YOD1: variants seen among roughly 807,000 people sequenced by gnomAD.
YOD1 encodes the protein YOD1 deubiquitinase.
Under a neutral mutation model 23.7 loss-of-function variants are expected in YOD1, and 17 were observed. The observed-to-expected ratio is 0.72, with a 90% CI of 0.49 to 1.07. The LOEUF (loss-of-function observed/expected upper bound fraction) is 1.07, where lower values mean the gene tolerates loss of function less well. Ranked by LOEUF, YOD1 falls within the 50% of genes least tolerant of loss-of-function variation. YOD1 has a pLI of 0.00. For synonymous variants in YOD1, 191 were observed against 169.6 expected (o/e 1.13, Z -0.98); for missense variants, 413 against 447.2 (o/e 0.92, Z 0.69).
In YOD1 at chr1:207,048,918, G is replaced by T; in HGVS notation, c.*102C>A. On this transcript the variant is annotated 3_prime_UTR_variant, in exon 2 of 2. Coordinates refer to ENST00000315927, the MANE Select transcript of YOD1 (RefSeq NM_018566.4). ...GTTTTAAGTTAAAAGGATGGTTCAA[G>T]CATTGTATCCTTTGTTCTTTAGGGT... 1 of 1,069,268 alleles carries T rather than the reference G, an allele frequency of 9.4e-7. No homozygotes were observed. Among genetic ancestry groups the T allele is most frequent in the Non-Finnish European group, 1.4e-6 (1 of 735,384 alleles). The allele number at this position is 1,069,268 out of a possible 1,614,324, so 66.2% of individuals were successfully genotyped here. A position where few individuals can be genotyped will look rare whatever the true frequency, so the allele number is the denominator to read the frequency against.
Position 207,049,383 on chromosome 1 carries a change from C to T in YOD1, c.684G>A (p.Leu228=). Residue 228 remains leucine, a synonymous_variant, in exon 2 of 2, where the codon TTG becomes TTA. Coordinates refer to ENST00000315927, the MANE Select transcript of YOD1 (RefSeq NM_018566.4). ...ATATTTCACATTGGTAAAACTTGGA[C>T]AAAATCGATATCTCTATTGCTCCTC... The part of the protein sequence containing the change: ...TWGGAIEISI[L]SKFYQCEICV... The T allele has an allele frequency of 6.2e-7, 1 of 1,614,158 alleles. No homozygotes were observed.
chr1:207,052,780 G>C (rs1371011176), upstream of YOD1: 1 of 156,486 alleles, frequency 6.4e-6, no homozygotes, highest in Non-Finnish European at 1.4e-5. Flanking sequence ...CTGACCTGTG[G>C]AGCCGGGTAT....
In YOD1 at chr1:207,045,209, GA is replaced by G. The variant is rs1682569943; in HGVS notation, c.*3810del. ...CAAGTTTTAAGGATCGAATCTTTTA[GA>G]AATTATCAGTCATCTCTGCACTACA... On this transcript the variant is annotated 3_prime_UTR_variant, in exon 2 of 2. Coordinates refer to ENST00000315927, the MANE Select transcript of YOD1 (RefSeq NM_018566.4). The G allele has an allele frequency of 6.6e-6, 1 of 152,354 alleles. No individual in the cohort carries two copies. The highest frequency in any genetic ancestry group is 1.5e-5 in the Non-Finnish European group (1 of 67,894). 9.4% of individuals were successfully genotyped at this position (152,354 alleles called of 1,614,324 possible). A position where few individuals can be genotyped will look rare whatever the true frequency, so the allele number is the denominator to read the frequency against.
In YOD1 at chr1:207,044,641, G is replaced by T. The variant is rs1381698482; in HGVS notation, c.*4379C>A. The T allele has an allele frequency of 6.6e-6, 1 of 152,286 alleles. No individual in the cohort carries two copies. 9.4% of individuals were successfully genotyped at this position (152,286 alleles called of 1,614,324 possible). ...ATAATTCATGGTTTCATACTTTAATGATAAGCTTTTTCACCTATGGCCATG... is the reference window on the plus strand; with the variant it reads ...ATAATTCATGGTTTCATACTTTAATTATAAGCTTTTTCACCTATGGCCATG... On this transcript the variant is annotated 3_prime_UTR_variant, in exon 2 of 2. Transcript: ENST00000315927.
At position 207,049,524 on chromosome 1, in the gene YOD1, C is replaced by G. The variant is rs756427873; in HGVS notation, c.543G>C (p.Glu181Asp). The change falls in exon 2 of 2, where the codon GAG becomes GAC. Residue 181 changes from glutamate to aspartate, a missense_variant. Coordinates refer to ENST00000315927, the MANE Select transcript of YOD1 (RefSeq NM_018566.4). ...CAATTTGTGCTATGAGGCGTCTCAT[C>G]TCAGGGGCACAAGCTGGATTCAAGA... is the stretch of plus-strand genomic sequence containing the variant. ...GGVLNPACAP[E>D]MRRLIAQIVA... The G allele has an allele frequency of 1.1e-5, 17 of 1,614,162 alleles. No homozygotes were observed. The South Asian group carries it at 1.6e-4, about 16-fold the overall frequency.
rs1261369290 is a variant in YOD1 at position 207,050,676 on chromosome 1, C to A, written c.343+12G>T. On this transcript the variant is annotated intron_variant, in intron 1 of 1. Coordinates refer to ENST00000315927, the MANE Select transcript of YOD1 (RefSeq NM_018566.4). ...CCCGGGACTTTCCCTGGCCCCAGCC[C>A]TGATTCCTTACCAGATTGGATGGGC... 1 of 1,612,844 alleles carries A rather than the reference C, an allele frequency of 6.2e-7. No individual in the cohort carries two copies. Among genetic ancestry groups the A allele is most frequent in the Non-Finnish European group, 8.5e-7 (1 of 1,179,964 alleles).
rs139136253 is a variant in YOD1, at chr1:207,048,808, G to A, written c.*212C>T. 23 of 554,252 alleles carry A rather than the reference G, an allele frequency of 4.1e-5. No homozygotes were observed. The East Asian group carries it at 4.3e-4, about 10-fold the overall frequency. The allele number at this position is 554,252 out of a possible 1,614,324, so 34.3% of individuals were successfully genotyped here. A position where few individuals can be genotyped will look rare whatever the true frequency, so the allele number is the denominator to read the frequency against. On this transcript the variant is annotated 3_prime_UTR_variant, in exon 2 of 2. Transcript: ENST00000315927. Reference sequence around the variant, plus strand: ...CTGTCACTCCAGCAGAAAGAGGCATGTATGTACAGTTTACCACTGTAGACA... The same window carrying A: ...CTGTCACTCCAGCAGAAAGAGGCATATATGTACAGTTTACCACTGTAGACA...
At chr1:207,051,644 C>T (rs950890173), upstream of YOD1, among the ~76,000 whole-genome samples, 3 of 152,276 alleles carry the variant, frequency 2.0e-5, no homozygotes, top group South Asian at 2.1e-4. Context: ...AGTCGTGTAA[C>T]GCGTGTCATC....
chr1:207,050,986 C>G lies in YOD1; in HGVS notation c.45G>C (p.Ala15=), dbSNP rs1302703629. 6 of 1,533,164 alleles carry G rather than the reference C, an allele frequency of 3.9e-6. No homozygotes were observed. In the East Asian group the frequency reaches 7.4e-5, roughly 19 times the overall value. The allele number at this position is 1,533,164 out of a possible 1,614,324, so 95.0% of individuals were successfully genotyped here. ...AKGRHFGVHP[A]PGFPGGVSQQ... ...GGGAGACGCCGCCGGGGAAACCAGG[C>G]GCCGGGTGGACTCCAAAATGGCGAC... is the stretch of plus-strand genomic sequence containing the variant. The change falls in exon 1 of 2, where the codon GCG becomes GCC. Residue 15 remains alanine (A), a synonymous_variant. Coordinates refer to ENST00000315927, the MANE Select transcript of YOD1 (RefSeq NM_018566.4).
rs541136434 is a variant in YOD1, at chr1:207,050,952, C to T, written c.79G>A (p.Ala27Thr). 5.1e-6 allele frequency: 8 copies of T among 1,570,368 alleles called. No individual in the cohort carries two copies. Among genetic ancestry groups the T allele is most frequent in the East Asian group, 2.4e-5 (1 of 42,386 alleles). ...GFPGGVSQQA[A>T]GTKAGPAGAW... Reference sequence around the variant, plus strand: ...CCCGCGGGGCCAGCTTTGGTCCCGGCAGCCTGTTGGGAGACGCCGCCGGGG... The same window carrying T: ...CCCGCGGGGCCAGCTTTGGTCCCGGTAGCCTGTTGGGAGACGCCGCCGGGG... The change falls in exon 1 of 2, where the codon GCC becomes ACC. Residue 27 changes from alanine to threonine, a missense_variant. Ala to Thr is a moderately conservative substitution (Grantham distance 58). Coordinates refer to ENST00000315927, the MANE Select transcript of YOD1 (RefSeq NM_018566.4).
rs994003042 is a variant in YOD1 at position 207,048,836 on chromosome 1, C to T, written c.*184G>A. ...TGTACAGTTTACCACTGTAGACACA[C>T]ATCTGTAAACTTGCACACTAATTTT... On this transcript the variant is annotated 3_prime_UTR_variant, in exon 2 of 2. Transcript: ENST00000315927. The T allele has an allele frequency of 3.6e-5, 22 of 612,358 alleles. No homozygotes were observed. Among genetic ancestry groups the T allele is most frequent in the Admixed American group, 6.0e-5 (2 of 33,138 alleles). 37.9% of individuals were successfully genotyped at this position (612,358 alleles called of 1,614,324 possible).
upstream of YOD1, chr1:207,052,323 C>T (rs2102331595): frequency 8.4e-7 from 1 of 1,186,086 alleles, no homozygotes; most frequent in Non-Finnish European, 1.2e-6. Flanking sequence ...GATGATACAG[C>T]CTGGGTTAGG....
upstream of YOD1, among the ~76,000 whole-genome samples, chr1:207,051,549 ATT>A (rs1380818334): frequency 6.6e-6 from 1 of 152,122 alleles, no homozygotes; most frequent in Non-Finnish European, 1.5e-5. Context: ...GAAAACGTCT[ATT>A]TGCCACTTCA....
upstream of YOD1, among the ~76,000 whole-genome samples, chr1:207,051,663 G>A (rs1327064285): frequency 6.6e-6 from 1 of 152,190 alleles, no homozygotes; most frequent in Non-Finnish European, 1.5e-5. Flanking sequence ...TCAGATTCCA[G>A]TTCAGTTCCT....
rs1682632116 is a variant in YOD1, at chr1:207,047,687, G to A, written c.*1333C>T. On this transcript the variant is annotated 3_prime_UTR_variant, in exon 2 of 2. Transcript: ENST00000315927. ...AGTGAAGCTAAGTTTTAGAGGGTGT[G>A]CCTTGCGGATTAGTCCACTAAGCAA... The A allele has an allele frequency of 6.6e-6, 1 of 152,630 alleles. No homozygotes were observed. Among genetic ancestry groups the A allele is most frequent in the Non-Finnish European group, 1.5e-5 (1 of 68,000 alleles). 9.5% of individuals were successfully genotyped at this position (152,630 alleles called of 1,614,324 possible).
rs180697561 is a variant in YOD1 at position 207,048,907 on chromosome 1, G to C, written c.*113C>G. On this transcript the variant is annotated 3_prime_UTR_variant, in exon 2 of 2. Transcript: ENST00000315927. ...GTGTCTTAGTGGTTTTAAGTTAAAAGGATGGTTCAAGCATTGTATCCTTTG... is the reference window on the plus strand; with the variant it reads ...GTGTCTTAGTGGTTTTAAGTTAAAACGATGGTTCAAGCATTGTATCCTTTG... 561 of 978,974 alleles carry C rather than the reference G, an allele frequency of 5.7e-4. 5 individuals carry two copies. In the East Asian group the frequency reaches 0.013, roughly 22 times the overall value. The allele number at this position is 978,974 out of a possible 1,614,324, so 60.6% of individuals were successfully genotyped here.
rs1682579056 is a variant in YOD1 at position 207,045,567 on chromosome 1, T to C, written c.*3453A>G. 1 of 151,728 alleles carries C rather than the reference T, an allele frequency of 6.6e-6. No homozygotes were observed. The highest frequency in any genetic ancestry group is 1.5e-5 in the Non-Finnish European group (1 of 67,778). The allele number at this position is 151,728 out of a possible 1,614,324, so 9.4% of individuals were successfully genotyped here. A position where few individuals can be genotyped will look rare whatever the true frequency, so the allele number is the denominator to read the frequency against. ...TCCACACATGAAAGAACATAATTCT[T>C]AGTATGTTTAGGAAGGCCACCTGAT... On this transcript the variant is annotated 3_prime_UTR_variant, in exon 2 of 2. Transcript: ENST00000315927.
rs1178098053 is a variant in YOD1, at chr1:207,049,091, C to G, written c.976G>C (p.Gly326Arg). ...FTLRCMVCQK[G>R]LTGQAEAREH... ...CTTGCTTCTGCTTGTCCAGTTAATC[C>G]TTTCTGACATACCATGCATCTCAGG... The change falls in exon 2 of 2, where the codon GGA (glycine) becomes CGA (arginine). Residue 326 changes from glycine to arginine, a missense_variant. Coordinates refer to ENST00000315927, the MANE Select transcript of YOD1 (RefSeq NM_018566.4). The G allele has an allele frequency of 6.2e-7, 1 of 1,613,928 alleles. No individual in the cohort carries two copies. Among genetic ancestry groups the G allele is most frequent in the Admixed American group, 1.7e-5 (1 of 59,998 alleles).
rs1682586654 is a variant in YOD1 at position 207,045,802 on chromosome 1, T to C, written c.*3218A>G. 1 of 151,986 alleles carries C rather than the reference T, an allele frequency of 6.6e-6. No homozygotes were observed. The highest frequency in any genetic ancestry group is 1.5e-5 in the Non-Finnish European group (1 of 67,910). 9.4% of individuals were successfully genotyped at this position (151,986 alleles called of 1,614,324 possible). ...ACAAATTAGATAGATAACATAATGT[T>C]AGTTAATTCCTCATTATTATTTTGC... On this transcript the variant is annotated 3_prime_UTR_variant, in exon 2 of 2. Coordinates refer to ENST00000315927, the MANE Select transcript of YOD1 (RefSeq NM_018566.4).
Sources: gnomAD v4.1 joint callset for allele counts (sites outside exome capture counted in the v4.1 genomes callset) on GRCh38, gnomAD v4.1.1 for gene constraint, MANE v1.5 for transcripts, NCBI Gene and HGNC (gene_info 2026-07-23, HGNC 2026-07-21) for gene names.